The following KANK1 variants were observed in gnomAD, a reference collection of about 807,000 sequenced individuals.
KANK1 encodes KN motif and ankyrin repeat domains 1, also known as KN motif and ankyrin repeat domain-containing protein 1.
Under a neutral mutation model 106.2 loss-of-function variants are expected in KANK1, and 109 were observed. That is an observed-to-expected ratio of 1.03 (90% CI 0.88 to 1.20). KANK1 has a LOEUF of 1.20. KANK1 is among the 50% of genes most tolerant of loss of function. The pLI, the probability that KANK1 is intolerant of heterozygous loss-of-function variation, is 0.00. For missense variants in KANK1, 2,399 were observed against 1,710.7 expected (o/e 1.40, Z -7.10); for synonymous variants, 873 against 652.2 (o/e 1.34, Z -5.16).
chr9:743,192 G>A (rs1196893152), intron 10 of KANK1, among the ~76,000 whole-genome samples: 1 of 152,208 alleles, frequency 6.6e-6, no homozygotes, highest in African/African-American at 2.4e-5. Flanking sequence ...CACAGGTTTG[G>A]ATCAGAGCTT....
intron 1 of KANK1, among the ~76,000 whole-genome samples, chr9:588,063 C>G (rs1019253623): frequency 6.0e-5 from 4 of 66,664 alleles, no homozygotes; most frequent in African/African-American, 3.6e-4. Context: ...TAGACTTGGT[C>G]TCAAGAAAAA....
chr9:684,445 C>T (rs1012531184), intron 2 of KANK1: 7 of 985,436 alleles, frequency 7.1e-6, no homozygotes, highest in Non-Finnish European at 8.4e-6. Context: ...CAGGGAGATT[C>T]GCTGTGTTAA....
chr9:514,484 C>T (rs771912636), intron 1 of KANK1, among the ~76,000 whole-genome samples: 6 of 150,372 alleles, frequency 4.0e-5, no homozygotes, highest in Non-Finnish European at 7.4e-5. Flanking sequence ...ACAACTCTTG[C>T]CCCGAGGGTA....
At chr9:728,020 G>T (rs898397287) in intron 3 of KANK1, among the ~76,000 whole-genome samples, 6 of 152,052 alleles carry the variant, frequency 3.9e-5, no homozygotes, top group Non-Finnish European at 7.4e-5. Context: ...CAACTGACCA[G>T]CATTAACATT....
intron 1 of KANK1, among the ~76,000 whole-genome samples, chr9:587,462 G>GA (rs757586734): frequency 1.3e-5 from 2 of 151,840 alleles, no homozygotes; most frequent in South Asian, 2.1e-4. Flanking sequence ...TATTAAGACT[G>GA]AAAAAAATGG....
At chr9:547,764 C>T (rs1264694651) in intron 1 of KANK1, among the ~76,000 whole-genome samples, 3 of 152,176 alleles carry the variant, frequency 2.0e-5, no homozygotes, top group East Asian at 1.9e-4. Flanking sequence ...ACTGCTTGGT[C>T]TGGCACTCCA....
chr9:565,797 T>C (rs555589259), intron 1 of KANK1, among the ~76,000 whole-genome samples: 5 of 152,276 alleles, frequency 3.3e-5, no homozygotes, highest in African/African-American at 7.2e-5. Context: ...ACCACAGTAA[T>C]TGGGGAAGTT....
At chr9:539,435 A>G (rs1009275113) in intron 1 of KANK1, 1 of 152,132 alleles carries the variant, frequency 6.6e-6, no homozygotes, top group Non-Finnish European at 1.5e-5. Context: ...GCAATGTTTT[A>G]TAGTTTTCAG....
intron 1 of KANK1, among the ~76,000 whole-genome samples, chr9:599,252 A>G (rs1418915958): frequency 6.6e-6 from 1 of 151,454 alleles, no homozygotes; most frequent in African/African-American, 2.4e-5. Flanking sequence ...TCCTGACCTC[A>G]GGTGATCTGC....
chr9:734,982 A>T lies in KANK1; in HGVS notation c.3333+147A>T, dbSNP rs948000885. On this transcript the variant is annotated intron_variant, in intron 7 of 11. Transcript: ENST00000382297. ...AGCATGAGTGGGCTGGGTAAACATCATGTGGTCTTGCTCCCTGGATCACAC... is the reference window on the plus strand; with the variant it reads ...AGCATGAGTGGGCTGGGTAAACATCTTGTGGTCTTGCTCCCTGGATCACAC... 3 of 637,706 alleles carry T rather than the reference A, an allele frequency of 4.7e-6. No individual in the cohort carries two copies. In the African/African-American group the frequency reaches 5.5e-5, roughly 12 times the overall value. 39.5% of individuals were successfully genotyped at this position (637,706 alleles called of 1,614,324 possible).
rs186064457 is a variant in KANK1 at position 588,205 on chromosome 9, A to G, written c.-84+83451A>G. Among the ~76,000 whole-genome samples, 416 of 152,336 alleles carry G rather than the reference A, an allele frequency of 2.7e-3. 2 individuals carry two copies. Among genetic ancestry groups the G allele is most frequent in the African/African-American group, 9.7e-3 (404 of 41,572 alleles). Reference sequence around the variant, plus strand: ...CTTTTTTACATACTTCTTTTCCTTAATAAAATGCTTATTTCTTTTTTCTAC... The same window carrying G: ...CTTTTTTACATACTTCTTTTCCTTAGTAAAATGCTTATTTCTTTTTTCTAC... On this transcript the variant is annotated intron_variant, in intron 1 of 11. Coordinates refer to ENST00000382297, the MANE Select transcript of KANK1 (RefSeq NM_015158.5).
At chr9:625,906 A>G (rs1486380311) in intron 1 of KANK1, among the ~76,000 whole-genome samples, 1 of 152,000 alleles carries the variant, frequency 6.6e-6, no homozygotes, top group African/African-American at 2.4e-5. Context: ...CGGTCCCCAG[A>G]TGATCATTTT....
At chr9:665,575 G>C (rs777038250) in intron 1 of KANK1, among the ~76,000 whole-genome samples, 13 of 152,154 alleles carry the variant, frequency 8.5e-5, no homozygotes, top group Non-Finnish European at 5.9e-5. Flanking sequence ...CTATAGCCTT[G>C]TAGTATATTT....
intron 3 of KANK1, among the ~76,000 whole-genome samples, chr9:482,484 C>CAG (rs1167224521): frequency 6.6e-6 from 1 of 152,154 alleles, no homozygotes; most frequent in Non-Finnish European, 1.5e-5. Context: ...ACTCAACCTC[C>CAG]AAAATGGGGC....
chr9:533,972 G>C (rs916511647), intron 1 of KANK1, among the ~76,000 whole-genome samples: 6 of 152,180 alleles, frequency 3.9e-5, no homozygotes, highest in African/African-American at 1.4e-4. Context: ...CATTTATGTT[G>C]AGATAAGGAG....
At chr9:494,589 A>G (rs768936796) in intron 3 of KANK1, among the ~76,000 whole-genome samples, 1 of 152,090 alleles carries the variant, frequency 6.6e-6, no homozygotes, top group Non-Finnish European at 1.5e-5. Flanking sequence ...CTCTCTCCCC[A>G]CTTGCTCTGG....
Position 705,201 on chromosome 9 carries a change from G to T in KANK1, c.38-5603G>T, listed in dbSNP as rs561375213. On this transcript the variant is annotated intron_variant, in intron 2 of 11. Transcript: ENST00000382297. ...TTTTCAAAGTTTATTATCTTATTCTGTTGGCCAGGCACAGTGGCTCACAGC... is the reference window on the plus strand; with the variant it reads ...TTTTCAAAGTTTATTATCTTATTCTTTTGGCCAGGCACAGTGGCTCACAGC... Among the ~76,000 whole-genome samples the T allele has an allele frequency of 1.3e-5, 2 of 151,900 alleles. 1 individual carries two copies. The highest frequency in any genetic ancestry group is 4.2e-4 in the South Asian group (2 of 4,814).
intron 1 of KANK1, among the ~76,000 whole-genome samples, chr9:588,149 C>G (rs945592153): frequency 1.3e-5 from 2 of 151,940 alleles, no homozygotes; most frequent in African/African-American, 4.8e-5. Context: ...AGAACTTAAA[C>G]CAGTGAGATA....
At chr9:691,449 C>T (rs1258695878) in intron 2 of KANK1, among the ~76,000 whole-genome samples, 1 of 150,106 alleles carries the variant, frequency 6.7e-6, no homozygotes, top group East Asian at 1.9e-4. Flanking sequence ...TTAATAGAGA[C>T]AAGGTCTCAC....
Sources: gnomAD v4.1 joint callset for allele counts (sites outside exome capture counted in the v4.1 genomes callset) on GRCh38, gnomAD v4.1.1 for gene constraint, MANE v1.5 for transcripts, NCBI Gene and HGNC (gene_info 2026-07-23, HGNC 2026-07-21) for gene names.